NRG3: variants seen among roughly 807,000 people sequenced by gnomAD.
NRG3 encodes pro-neuregulin-3, membrane-bound isoform.
A neutral mutation model predicts 66.9 loss-of-function variants in NRG3; 31 were observed. That is an observed-to-expected ratio of 0.46 (90% CI 0.35 to 0.63). NRG3 has a LOEUF of 0.63. Among genes scored for constraint, NRG3 ranks in the 20% least tolerant of loss-of-function variants. The pLI is 0.00. For synonymous variants in NRG3, 393 were observed against 359.4 expected, an observed-to-expected ratio of 1.09 and a Z score of -1.06; for missense variants, 910 against 878.9, an observed-to-expected ratio of 1.04 and a Z score of -0.45.
At chr10:82,329,311 G>T (rs1183086804) in intron 1 of NRG3, among the ~76,000 whole-genome samples, 1 of 151,662 alleles carries the variant, frequency 6.6e-6, no homozygotes, top group East Asian at 1.9e-4. Context: ...CACTTGTTCT[G>T]GGAACTTACT....
In NRG3 at chr10:82,004,900, T is replaced by G. The variant is rs181693272; in HGVS notation, c.823+128737T>G. Among the ~76,000 whole-genome samples, 261 of 152,316 alleles carry G rather than the reference T, an allele frequency of 1.7e-3. 2 individuals carry two copies. Among genetic ancestry groups the G allele is most frequent in the African/African-American group, 5.9e-3 (244 of 41,570 alleles). ...ATCTTGGACTTCTAGCCTCCAACAT[T>G]GTTGAGAAAATGAATTGCAGTTGTT... On this transcript the variant is annotated intron_variant, in intron 1 of 8. Transcript: ENST00000372141.
At chr10:82,829,908 C>T (rs2062430996) in intron 3 of NRG3, among the ~76,000 whole-genome samples, 1 of 152,096 alleles carries the variant, frequency 6.6e-6, no homozygotes, top group Admixed American at 6.6e-5. Flanking sequence ...ATCACTGAGT[C>T]CCCGTCAATG....
chr10:82,217,240 G>A (rs185825086), intron 1 of NRG3, among the ~76,000 whole-genome samples: 1 of 152,312 alleles, frequency 6.6e-6, no homozygotes, highest in Admixed American at 6.5e-5. Context: ...TGTGTGTAAT[G>A]TGGCTGTGCC....
intron 1 of NRG3, among the ~76,000 whole-genome samples, chr10:82,269,956 A>G (rs1053845736): frequency 2.0e-5 from 3 of 152,180 alleles, no homozygotes; most frequent in African/African-American, 7.2e-5. Context: ...GCAAACTTAC[A>G]TGAAGTCTCT....
chr10:82,807,214 T>C (rs2061326679), intron 3 of NRG3, among the ~76,000 whole-genome samples: 1 of 152,198 alleles, frequency 6.6e-6, no homozygotes. Context: ...AGACAAATGT[T>C]ATAAAAGTGA....
intron 3 of NRG3, among the ~76,000 whole-genome samples, chr10:82,775,495 T>C (rs909764506): frequency 3.3e-5 from 5 of 152,152 alleles, no homozygotes; most frequent in African/African-American, 1.2e-4. Flanking sequence ...TTCTATCTAC[T>C]CAAATTTTTT....
At chr10:82,116,851 C>A (rs1162577069) in intron 1 of NRG3, among the ~76,000 whole-genome samples, 1 of 152,102 alleles carries the variant, frequency 6.6e-6, no homozygotes, top group African/African-American at 2.4e-5. Flanking sequence ...CAGCCAAATG[C>A]CCTGAGATTT....
At chr10:82,462,406 A>G (rs977520686) in intron 2 of NRG3, among the ~76,000 whole-genome samples, 9 of 151,928 alleles carry the variant, frequency 5.9e-5, no homozygotes, top group Admixed American at 2.6e-4. Flanking sequence ...ATATATATAT[A>G]TATTTATATT....
chr10:82,704,076 A>G (rs1288315835), intron 2 of NRG3, among the ~76,000 whole-genome samples: 10 of 152,128 alleles, frequency 6.6e-5, no homozygotes, highest in Admixed American at 4.6e-4. Context: ...TAAATGTGGT[A>G]TAGAAAAAAA....
intron 2 of NRG3, among the ~76,000 whole-genome samples, chr10:82,689,618 T>A (rs2054771860): frequency 6.6e-6 from 1 of 152,186 alleles, no homozygotes; most frequent in Admixed American, 6.5e-5. Flanking sequence ...TTTAAAATTG[T>A]GATATGAGTT....
intron 1 of NRG3, among the ~76,000 whole-genome samples, chr10:82,282,998 A>G (rs535593598): frequency 2.6e-5 from 4 of 152,106 alleles, no homozygotes; most frequent in African/African-American, 9.6e-5. Flanking sequence ...TGGTTTCCAA[A>G]CGTTCACTAA....
chr10:82,542,985 G>T (rs919552048), intron 2 of NRG3, among the ~76,000 whole-genome samples: 10 of 151,490 alleles, frequency 6.6e-5, no homozygotes, highest in Non-Finnish European at 1.5e-4. Context: ...TCCACCTCCC[G>T]GGTTCAAGCA....
At chr10:82,887,857 T>C (rs1842850439) in intron 4 of NRG3, among the ~76,000 whole-genome samples, 1 of 152,240 alleles carries the variant, frequency 6.6e-6, no homozygotes, top group African/African-American at 2.4e-5. Context: ...CTAATTAAAG[T>C]AATTGCAAGT....
intron 2 of NRG3, among the ~76,000 whole-genome samples, chr10:82,678,829 T>C (rs1162933489): frequency 1.3e-5 from 2 of 152,120 alleles, no homozygotes; most frequent in African/African-American, 4.8e-5. Flanking sequence ...TGGAGCTCCT[T>C]TCCTCAGAAG....
At chr10:82,151,057 T>C (rs1314674483) in intron 1 of NRG3, among the ~76,000 whole-genome samples, 2 of 152,186 alleles carry the variant, frequency 1.3e-5, no homozygotes. Context: ...CAAAAATGTA[T>C]GCTAAGGGTC....
intron 1 of NRG3, among the ~76,000 whole-genome samples, chr10:82,067,307 G>A (rs1004344288): frequency 6.6e-6 from 1 of 152,060 alleles, no homozygotes; most frequent in Non-Finnish European, 1.5e-5. Flanking sequence ...GTTAATTATT[G>A]TAAAGAAATT....
chr10:82,061,545 C>T (rs551086929), intron 1 of NRG3, among the ~76,000 whole-genome samples: 21 of 152,202 alleles, frequency 1.4e-4, no homozygotes, highest in African/African-American at 4.3e-4. Flanking sequence ...CTCCAGCTCC[C>T]GTGCTGTGGT....
intron 6 of NRG3, among the ~76,000 whole-genome samples, chr10:82,963,619 G>T (rs1203991629): frequency 6.6e-6 from 1 of 152,216 alleles, no homozygotes; most frequent in Non-Finnish European, 1.5e-5. Context: ...GGCAGAGCTT[G>T]CAGTGAGCCG....
chr10:82,000,751 T>C (rs924514205), intron 1 of NRG3, among the ~76,000 whole-genome samples: 4 of 152,294 alleles, frequency 2.6e-5, no homozygotes, highest in African/African-American at 7.2e-5. Context: ...TACTAACAGT[T>C]GAGTAGGAAA....
Sources: gnomAD v4.1 joint callset for allele counts (sites outside exome capture counted in the v4.1 genomes callset) on GRCh38, gnomAD v4.1.1 for gene constraint, MANE v1.5 for transcripts, NCBI Gene and HGNC (gene_info 2026-07-23, HGNC 2026-07-21) for gene names.